Variants in PCDH15 observed in about 807,000 individuals in gnomAD.
PCDH15 encodes protocadherin related 15.
Under a neutral mutation model 178.5 loss-of-function variants are expected in PCDH15, and 129 were observed. The observed-to-expected ratio is 0.72, with a 90% CI of 0.63 to 0.84. The LOEUF is 0.84. PCDH15 is among the 40% of genes least tolerant of loss of function. The pLI, the probability that PCDH15 is intolerant of heterozygous loss-of-function variation, is 0.00. For missense variants in PCDH15, 2,230 were observed against 2,099.9 expected, an observed-to-expected ratio of 1.06 and a Z score of -1.21; for synonymous variants, 800 against 732.0, an observed-to-expected ratio of 1.09 and a Z score of -1.50.
chr10:54,029,564 C>G (rs552227357), intron 18 of PCDH15, among the ~76,000 whole-genome samples: 3 of 152,148 alleles, frequency 2.0e-5, no homozygotes, highest in South Asian at 4.1e-4. Context: ...GAATAATTGC[C>G]AGAAACACCA....
intron 2 of PCDH15, among the ~76,000 whole-genome samples, chr10:55,101,416 T>C (rs1245804568): frequency 6.6e-6 from 1 of 151,560 alleles, no homozygotes; most frequent in Non-Finnish European, 1.5e-5. Context: ...CTTTTTTTTT[T>C]TTATGGCCAC....
chr10:54,196,978 T>C (rs2049736929), intron 10 of PCDH15, among the ~76,000 whole-genome samples: 1 of 152,166 alleles, frequency 6.6e-6, no homozygotes. Context: ...TGTTTTGTTA[T>C]TGCAGCTCAA....
At chr10:54,083,629 T>C (rs780362866) in intron 16 of PCDH15, among the ~76,000 whole-genome samples, 33 of 152,090 alleles carry the variant, frequency 2.2e-4, no homozygotes, top group Non-Finnish European at 4.4e-4. Context: ...CTAAGGGAAA[T>C]AAGGAATAGG....
At chr10:55,210,825 C>T (rs1840550475) in intron 1 of PCDH15, among the ~76,000 whole-genome samples, 1 of 151,316 alleles carries the variant, frequency 6.6e-6, no homozygotes, top group South Asian at 2.1e-4. Flanking sequence ...GATGGGATTT[C>T]ACCATGTTGG....
chr10:55,037,931 T>C (rs1840777610), intron 2 of PCDH15, among the ~76,000 whole-genome samples: 1 of 152,224 alleles, frequency 6.6e-6, no homozygotes, highest in African/African-American at 2.4e-5. Context: ...CAGAAGTTTG[T>C]ACCCATATTA....
At chr10:55,380,832 C>A (rs1837515372) in intron 2 of PCDH15, among the ~76,000 whole-genome samples, 1 of 152,158 alleles carries the variant, frequency 6.6e-6, no homozygotes, top group Admixed American at 6.6e-5. Flanking sequence ...AACGTGTTAT[C>A]TTGCAAAGTA....
chr10:55,385,454 G>A (rs1305431709), intron 2 of PCDH15, among the ~76,000 whole-genome samples: 2 of 151,910 alleles, frequency 1.3e-5, no homozygotes, highest in Non-Finnish European at 2.9e-5. Context: ...GACTCCAAAT[G>A]ACAACAATTT....
intron 2 of PCDH15, among the ~76,000 whole-genome samples, chr10:55,457,331 T>C (rs549425691): frequency 6.6e-6 from 1 of 152,226 alleles, no homozygotes; most frequent in East Asian, 1.9e-4. Flanking sequence ...TCATTTTGCA[T>C]TAATATGCAA....
intron 1 of PCDH15, among the ~76,000 whole-genome samples, chr10:54,726,698 A>G (rs1349199813): frequency 6.6e-6 from 1 of 151,438 alleles, no homozygotes; most frequent in African/African-American, 2.4e-5. Flanking sequence ...ATATTCATTT[A>G]TAAAAGGAAC....
intron 2 of PCDH15, among the ~76,000 whole-genome samples, chr10:55,005,327 T>C (rs987768516): frequency 2.0e-5 from 3 of 151,910 alleles, no homozygotes; most frequent in African/African-American, 7.2e-5. Flanking sequence ...ATTATATTTC[T>C]ACATAAATTA....
chr10:54,642,146 T>C (rs1031917592), intron 2 of PCDH15, among the ~76,000 whole-genome samples: 1 of 152,050 alleles, frequency 6.6e-6, no homozygotes, highest in Non-Finnish European at 1.5e-5. Flanking sequence ...GTGGGATTAA[T>C]GCCTTATAAG....
intron 8 of PCDH15, among the ~76,000 whole-genome samples, chr10:54,248,641 G>T (rs1411664781): frequency 6.6e-6 from 1 of 152,040 alleles, no homozygotes; most frequent in African/African-American, 2.4e-5. Flanking sequence ...GATTCAAAGT[G>T]CAGGTACCAC....
intron 3 of PCDH15, among the ~76,000 whole-genome samples, chr10:54,444,230 GTT>G (rs909746002): frequency 4.6e-4 from 70 of 151,790 alleles, no homozygotes; most frequent in African/African-American, 1.6e-3. Flanking sequence ...TAAACAAAGA[GTT>G]TGCTTCACAT....
At chr10:54,832,364 CTACTT>C (rs1223874668) in intron 3 of PCDH15, among the ~76,000 whole-genome samples, 5 of 151,280 alleles carry the variant, frequency 3.3e-5, no homozygotes, top group South Asian at 2.1e-4. Flanking sequence ...TATAACATGT[CTACTT>C]TAATTACCAA....
chr10:55,024,286 T>C (rs577802924), intron 2 of PCDH15, among the ~76,000 whole-genome samples: 4 of 142,610 alleles, frequency 2.8e-5, no homozygotes, highest in Non-Finnish European at 6.1e-5. Context: ...GGAAGGAGTA[T>C]ATATATATGA....
At chr10:54,153,328 G>T (rs1167252265) in intron 13 of PCDH15, 35 bp from the exon 14 acceptor site, 1 of 1,610,524 alleles carries the variant, frequency 6.2e-7, no homozygotes, top group Admixed American at 1.7e-5. Flanking sequence ...ATCCTCTTGG[G>T]TCTCAACTTT....
chr10:54,449,644 T>C (rs1259258006), intron 3 of PCDH15, among the ~76,000 whole-genome samples: 1 of 151,858 alleles, frequency 6.6e-6, no homozygotes, highest in Non-Finnish European at 1.5e-5. Flanking sequence ...TGTACAAACA[T>C]TTTTATTGTT....
intron 18 of PCDH15, among the ~76,000 whole-genome samples, chr10:54,055,508 G>A (rs2093866864): frequency 6.6e-6 from 1 of 152,146 alleles, no homozygotes; most frequent in Non-Finnish European, 1.5e-5. Context: ...TAATGCATTT[G>A]TGCAAGCATT....
chr10:54,272,148 G>T (rs1472888532), intron 8 of PCDH15, among the ~76,000 whole-genome samples: 8 of 150,544 alleles, frequency 5.3e-5, no homozygotes, highest in Non-Finnish European at 7.4e-5. Flanking sequence ...TAAATTTTAT[G>T]TATATTCATA....
Sources: gnomAD v4.1 joint callset for allele counts (sites outside exome capture counted in the v4.1 genomes callset) on GRCh38, gnomAD v4.1.1 for gene constraint, MANE v1.5 for transcripts, NCBI Gene and HGNC (gene_info 2026-07-23, HGNC 2026-07-21) for gene names.